CHCHD3: variants seen among roughly 807,000 people sequenced by gnomAD.
CHCHD3 encodes the protein MICOS complex subunit MIC19.
A neutral mutation model predicts 38.2 loss-of-function variants in CHCHD3; 20 were observed. The observed-to-expected ratio is 0.52, with a 90% CI of 0.37 to 0.76. CHCHD3 has a LOEUF of 0.76. Ranked by LOEUF, CHCHD3 falls within the 30% of genes least tolerant of loss-of-function variation. The probability of loss-of-function intolerance (pLI) is 0.00; values close to 1 mark genes in which losing one functional copy is unlikely to be tolerated. For missense variants in CHCHD3, 245 were observed against 279.2 expected, an observed-to-expected ratio of 0.88 and a Z score of 0.87; for synonymous variants, 82 against 100.0, an observed-to-expected ratio of 0.82 and a Z score of 1.07.
intron 2 of CHCHD3, among the ~76,000 whole-genome samples, chr7:133,027,490 A>G (rs13226173): frequency 0.37 from 55,470 of 150,106 alleles, 10,521 homozygotes; most frequent in Admixed American, 0.43. Flanking sequence ...AAAGAACACT[A>G]TACAGGGAAT....
chr7:132,857,034 T>C (rs1236588696), intron 5 of CHCHD3, among the ~76,000 whole-genome samples: 1 of 152,218 alleles, frequency 6.6e-6, no homozygotes, highest in Non-Finnish European at 1.5e-5. Flanking sequence ...GCAATGTTAT[T>C]TCACCACACC....
At chr7:132,859,404 A>G (rs1808425495) in intron 5 of CHCHD3, among the ~76,000 whole-genome samples, 1 of 152,142 alleles carries the variant, frequency 6.6e-6, no homozygotes, top group Non-Finnish European at 1.5e-5. Flanking sequence ...CAACAACAAA[A>G]CCAGAAGAAA....
At chr7:132,983,214 C>G (rs1467799806) in intron 3 of CHCHD3, among the ~76,000 whole-genome samples, 1 of 151,888 alleles carries the variant, frequency 6.6e-6, no homozygotes, top group African/African-American at 2.4e-5. Context: ...CCCAGCTACT[C>G]GGGAGGCTGA....
At chr7:133,013,668 A>G (rs1185983071) in intron 3 of CHCHD3, among the ~76,000 whole-genome samples, 2 of 152,128 alleles carry the variant, frequency 1.3e-5, no homozygotes, top group African/African-American at 4.8e-5. Flanking sequence ...GGGAAGAGAG[A>G]TCACAATATA....
chr7:132,864,437 A>C (rs921934360), intron 5 of CHCHD3, among the ~76,000 whole-genome samples: 1 of 152,224 alleles, frequency 6.6e-6, no homozygotes, highest in Non-Finnish European at 1.5e-5. Context: ...ATCACATCAT[A>C]GATCACCATA....
intron 4 of CHCHD3, among the ~76,000 whole-genome samples, chr7:132,971,869 C>G (rs1476692472): frequency 6.6e-6 from 1 of 152,122 alleles, no homozygotes; most frequent in Non-Finnish European, 1.5e-5. Flanking sequence ...CAATAGGGGC[C>G]CTCCAAAATA....
intron 4 of CHCHD3, among the ~76,000 whole-genome samples, chr7:132,903,336 G>T (rs995414586): frequency 2.6e-5 from 4 of 151,902 alleles, no homozygotes; most frequent in African/African-American, 4.8e-5. Flanking sequence ...TTATATTGGG[G>T]TTTTTTTCTG....
At chr7:132,978,961 A>G (rs936151062) in intron 3 of CHCHD3, among the ~76,000 whole-genome samples, 4 of 152,220 alleles carry the variant, frequency 2.6e-5, no homozygotes, top group East Asian at 1.9e-4. Flanking sequence ...TAAGGTCTGT[A>G]TGGTGACTGT....
intron 5 of CHCHD3, 66 bp from the exon 6 acceptor site, chr7:132,838,535 A>T (rs1219576542): frequency 8.6e-7 from 1 of 1,166,934 alleles, no homozygotes; most frequent in Non-Finnish European, 1.3e-6. Flanking sequence ...GAAGATTTAC[A>T]ACTTCAAAAA....
At chr7:132,873,081 T>G (rs1440296327) in intron 5 of CHCHD3, among the ~76,000 whole-genome samples, 3 of 151,232 alleles carry the variant, frequency 2.0e-5, no homozygotes, top group Admixed American at 6.6e-5. Flanking sequence ...CAGAGAGAGA[T>G]TCTGTCTCAA....
intron 6 of CHCHD3, among the ~76,000 whole-genome samples, chr7:132,831,081 C>T (rs1254228691): frequency 6.6e-6 from 1 of 152,164 alleles, no homozygotes; most frequent in Non-Finnish European, 1.5e-5. Context: ...GCCTGAAGCC[C>T]TGTTCTTCCT....
chr7:133,067,866 C>T (rs1463242160), intron 2 of CHCHD3, among the ~76,000 whole-genome samples: 1 of 152,192 alleles, frequency 6.6e-6, no homozygotes, highest in Non-Finnish European at 1.5e-5. Context: ...CCTGTAATCC[C>T]AGCACTTTGG....
chr7:133,046,623 G>A (rs1056665286), intron 2 of CHCHD3, among the ~76,000 whole-genome samples: 2 of 151,936 alleles, frequency 1.3e-5, no homozygotes, highest in Non-Finnish European at 2.9e-5. Flanking sequence ...GTGCAGTGGC[G>A]CGATCTCGGC....
At chr7:133,057,153 A>T (rs1814364203) in intron 2 of CHCHD3, among the ~76,000 whole-genome samples, 1 of 152,224 alleles carries the variant, frequency 6.6e-6, no homozygotes, top group Admixed American at 6.5e-5. Flanking sequence ...ATTGAGGCAC[A>T]TCACAGATGA....
intron 4 of CHCHD3, among the ~76,000 whole-genome samples, chr7:132,934,046 T>C (rs1275875650): frequency 1.3e-5 from 2 of 152,246 alleles, no homozygotes; most frequent in Non-Finnish European, 2.9e-5. Flanking sequence ...AAGGTTTAGC[T>C]GAATAGCATT....
chr7:133,051,668 G>A (rs952708672), intron 2 of CHCHD3, among the ~76,000 whole-genome samples: 2 of 151,852 alleles, frequency 1.3e-5, no homozygotes, highest in Non-Finnish European at 2.9e-5. Flanking sequence ...TGAACATTTA[G>A]AGATAAAATT....
chr7:133,048,082 C>A (rs1297099592), intron 2 of CHCHD3, among the ~76,000 whole-genome samples: 1 of 151,894 alleles, frequency 6.6e-6, no homozygotes, highest in African/African-American at 2.4e-5. Context: ...GAGCGAAACT[C>A]TGTCTCAAAA....
chr7:132,789,765 C>G (rs1447519701), intron 7 of CHCHD3, among the ~76,000 whole-genome samples: 1 of 151,978 alleles, frequency 6.6e-6, no homozygotes, highest in Non-Finnish European at 1.5e-5. Context: ...GATGAACTTA[C>G]CCAGCGCCTC....
intron 7 of CHCHD3, 137 bp downstream of exon 7, chr7:132,796,305 C>T (rs936838083): frequency 9.0e-6 from 8 of 889,706 alleles, no homozygotes; most frequent in Non-Finnish European, 1.0e-5. Context: ...CAACTCATTA[C>T]AGTAATTCTT....
Sources: allele counts gnomAD v4.1 joint callset (sites outside exome capture counted in the v4.1 genomes callset), GRCh38; gene constraint gnomAD v4.1.1; transcripts MANE v1.5; gene names NCBI Gene and HGNC (gene_info 2026-07-23, HGNC 2026-07-21).